COL21A1: variants seen among roughly 807,000 people sequenced by gnomAD.
COL21A1 encodes the protein collagen type XXI alpha 1 chain, also known as collagen alpha-1(XXI) chain.
In COL21A1, 149 loss-of-function variants were observed where a neutral mutation model predicts 137.9. The observed-to-expected ratio is 1.08, with a 90% CI of 0.95 to 1.24. COL21A1 has a LOEUF of 1.24. Among genes scored for constraint, COL21A1 ranks in the 50% most tolerant of loss-of-function variants. COL21A1 has a pLI of 0.00. For missense variants in COL21A1, 1,167 were observed against 1,158.4 expected (o/e 1.01, Z -0.11); for synonymous variants, 456 against 391.5 (o/e 1.16, Z -1.95).
chr6:56,301,187 G>C (rs1031122445), intron 1 of COL21A1, among the ~76,000 whole-genome samples: 1 of 152,170 alleles, frequency 6.6e-6, no homozygotes, highest in Non-Finnish European at 1.5e-5. Context: ...CTAAAGATGT[G>C]TCTAAATTAA....
chr6:56,172,131 C>G (rs549350524), intron 3 of COL21A1, among the ~76,000 whole-genome samples: 1 of 149,878 alleles, frequency 6.7e-6, no homozygotes, highest in South Asian at 2.1e-4. Context: ...ATGAGGCCAA[C>G]AACTTCCCAA....
chr6:56,188,552 G>A (rs1240537708), intron 1 of COL21A1, among the ~76,000 whole-genome samples: 1 of 152,182 alleles, frequency 6.6e-6, no homozygotes, highest in Non-Finnish European at 1.5e-5. Context: ...GCAGCTGTGG[G>A]CACAGCTTCA....
chr6:56,274,852 G>GA (rs1429787335), intron 1 of COL21A1, among the ~76,000 whole-genome samples: 5 of 151,438 alleles, frequency 3.3e-5, no homozygotes, highest in African/African-American at 1.2e-4. Context: ...CACAGAATTA[G>GA]AAAAAACTAT....
At chr6:56,206,623 G>A (rs1779792660) in intron 1 of COL21A1, among the ~76,000 whole-genome samples, 1 of 149,664 alleles carries the variant, frequency 6.7e-6, no homozygotes, top group African/African-American at 2.4e-5. Context: ...CTTGAACTCA[G>A]CTCTGGACCA....
At chr6:56,177,486 T>C (rs550156646) in intron 3 of COL21A1, among the ~76,000 whole-genome samples, 1 of 152,224 alleles carries the variant, frequency 6.6e-6, no homozygotes, top group African/African-American at 2.4e-5. Context: ...AATCATACTC[T>C]AATACAGTAT....
chr6:56,135,358 C>T (rs1352007733), intron 12 of COL21A1, among the ~76,000 whole-genome samples: 1 of 151,854 alleles, frequency 6.6e-6, no homozygotes, highest in African/African-American at 2.4e-5. Flanking sequence ...CCCCAAATCG[C>T]ATGTCAAGAT....
chr6:56,263,515 T>C (rs1011271128), intron 1 of COL21A1, among the ~76,000 whole-genome samples: 3 of 152,196 alleles, frequency 2.0e-5, no homozygotes, highest in African/African-American at 7.2e-5. Context: ...GTTGGAAGCT[T>C]GCCATCTTCA....
chr6:56,137,549 C>A (rs1470042379), intron 12 of COL21A1, among the ~76,000 whole-genome samples: 1 of 152,170 alleles, frequency 6.6e-6, no homozygotes, highest in Admixed American at 6.5e-5. Context: ...TACCATTGAA[C>A]TACTCATGCC....
chr6:56,200,863 C>T (rs1446614505), intron 1 of COL21A1, among the ~76,000 whole-genome samples: 1 of 152,078 alleles, frequency 6.6e-6, no homozygotes, highest in Non-Finnish European at 1.5e-5. Context: ...GTTCTAGATG[C>T]CTGAGGAATC....
chr6:56,299,034 C>T (rs898838104), intron 1 of COL21A1, among the ~76,000 whole-genome samples: 3 of 152,076 alleles, frequency 2.0e-5, no homozygotes, highest in African/African-American at 7.2e-5. Context: ...ACAAAAACCT[C>T]ATCTTTTGTA....
chr6:56,274,289 C>G (rs1354565963), intron 1 of COL21A1, among the ~76,000 whole-genome samples: 5 of 152,140 alleles, frequency 3.3e-5, no homozygotes, highest in African/African-American at 1.2e-4. Context: ...TGGAAGCATT[C>G]CCCTTGAGAA....
intron 1 of COL21A1, among the ~76,000 whole-genome samples, chr6:56,343,386 C>A (rs900918496): frequency 3.3e-5 from 5 of 152,190 alleles, no homozygotes; most frequent in Admixed American, 1.3e-4. Context: ...GTAAAAACTT[C>A]CAGAACCTGC....
intron 1 of COL21A1, among the ~76,000 whole-genome samples, chr6:56,388,577 G>GC: frequency 6.6e-6 from 1 of 152,290 alleles, no homozygotes; most frequent in Admixed American, 6.5e-5. Context: ...GTCCTCTTCT[G>GC]CCCCCAGTGC....
At chr6:56,316,426 C>A (rs952795295) in intron 1 of COL21A1, among the ~76,000 whole-genome samples, 1 of 145,912 alleles carries the variant, frequency 6.9e-6, no homozygotes, top group African/African-American at 2.5e-5. Context: ...TATTACATGC[C>A]TACTAAGAAA....
intron 1 of COL21A1, among the ~76,000 whole-genome samples, chr6:56,238,430 TA>T (rs548005509): frequency 0.045 from 4,098 of 91,458 alleles, 73 homozygotes; most frequent in African/African-American, 0.11. Flanking sequence ...GCAGTCTTCT[TA>T]AAAAAAAAAA....
intron 1 of COL21A1, among the ~76,000 whole-genome samples, chr6:56,306,947 A>T (rs4623246): frequency 5.3e-5 from 8 of 152,140 alleles, no homozygotes; most frequent in African/African-American, 1.2e-4. Context: ...TAACAGTCAG[A>T]ACCCTTAGCT....
intron 1 of COL21A1, among the ~76,000 whole-genome samples, chr6:56,290,510 T>TTTTTC (rs1764016193): frequency 6.8e-6 from 1 of 147,500 alleles, no homozygotes; most frequent in Non-Finnish European, 1.5e-5. Flanking sequence ...TTTTTTTTTT[T>TTTTTC]TTTTTTTGAG....
chr6:56,277,985 T>C (rs951931819), intron 1 of COL21A1, among the ~76,000 whole-genome samples: 1 of 152,230 alleles, frequency 6.6e-6, no homozygotes, highest in Non-Finnish European at 1.5e-5. Context: ...TCCTGGAACA[T>C]CTTTCATTTG....
At chr6:56,127,787 G>A (rs773309970) in intron 12 of COL21A1, among the ~76,000 whole-genome samples, 1 of 152,182 alleles carries the variant, frequency 6.6e-6, no homozygotes, top group Non-Finnish European at 1.5e-5. Context: ...GGTAGGGATG[G>A]TAGGACTGGT....
Sources: allele counts gnomAD v4.1 joint callset (sites outside exome capture counted in the v4.1 genomes callset), GRCh38; gene constraint gnomAD v4.1.1; transcripts MANE v1.5; gene names NCBI Gene and HGNC (gene_info 2026-07-23, HGNC 2026-07-21).